The following WDR17 variants were observed in gnomAD, a reference collection of about 807,000 sequenced individuals.
WDR17 encodes the protein WD repeat domain 17.
WDR17 carries 143 observed loss-of-function variants against 161.7 expected under a neutral mutation model. The observed-to-expected ratio is 0.88, with a 90% CI of 0.77 to 1.02. WDR17 has a LOEUF of 1.02. Among genes scored for constraint, WDR17 ranks in the 50% least tolerant of loss-of-function variants. WDR17 has a pLI of 0.00. For missense variants in WDR17, 1,469 were observed against 1,520.9 expected (o/e 0.97, Z 0.57); for synonymous variants, 517 against 515.6 (o/e 1.00, Z -0.04).
intron 1 of WDR17, among the ~76,000 whole-genome samples, chr4:176,070,194 T>C (rs985672418): frequency 1.3e-5 from 2 of 152,210 alleles, no homozygotes; most frequent in African/African-American, 2.4e-5. Flanking sequence ...GAAAATATAA[T>C]AGTGGATACG....
rs528256035 is a variant in WDR17 at position 176,182,767 on chromosome 4, C to T, written c.*3188C>T. 11 of 152,112 alleles carry T rather than the reference C, an allele frequency of 7.2e-5. No homozygotes were observed. The East Asian group carries it at 7.7e-4, about 11-fold the overall frequency. 9.4% of individuals were successfully genotyped at this position (152,112 alleles called of 1,614,324 possible). Reference sequence around the variant, plus strand: ...CATTATCTAGATTTATATGTATGTACGTATTTCAGGTCCTTGAAATTTTAA... The same window carrying T: ...CATTATCTAGATTTATATGTATGTATGTATTTCAGGTCCTTGAAATTTTAA... On this transcript the variant is annotated 3_prime_UTR_variant, in exon 29 of 29. Coordinates refer to ENST00000508596, the MANE Select transcript of WDR17 (RefSeq NM_181265.4). This position sits in a 1 kb window ranked among gnomAD's most constrained non-coding sequence, Gnocchi z 4.2.
At chr4:176,129,386 T>A (rs1425329494) in intron 6 of WDR17, among the ~76,000 whole-genome samples, 1 of 152,140 alleles carries the variant, frequency 6.6e-6, no homozygotes, top group Non-Finnish European at 1.5e-5. Flanking sequence ...ATATTTTCTG[T>A]ATCATTCGTT....
intron 1 of WDR17, among the ~76,000 whole-genome samples, chr4:176,099,247 A>G (rs1737405013): frequency 6.6e-6 from 1 of 152,162 alleles, no homozygotes; most frequent in African/African-American, 2.4e-5. Context: ...ACTGCCCTCA[A>G]AATTATTGAG....
intron 2 of WDR17, among the ~76,000 whole-genome samples, chr4:176,113,505 A>G (rs1740110925): frequency 6.6e-6 from 1 of 152,070 alleles, no homozygotes; most frequent in South Asian, 2.1e-4. Flanking sequence ...AAGCTGATGC[A>G]AATAAACTTA....
rs142429080 is a variant in WDR17, at chr4:176,148,319, C to T, written c.1881C>T (p.His627=). The change falls in exon 13 of 29, where the codon CAC becomes CAT. Residue 627 remains histidine (H), a synonymous_variant. Transcript: ENST00000508596. The part of the protein sequence containing the change: ...EGTCVDTVYD[H]GADVYGLTCH... ...CTTGTGTGGATACTGTGTATGATCA[C>T]GGTGCAGATGTATATGGTAGAGTGT... 1.4e-5 allele frequency: 23 copies of T among 1,612,752 alleles called. No individual in the cohort carries two copies. In the African/African-American group the frequency reaches 1.6e-4, roughly 11 times the overall value.
intron 4 of WDR17, 80 bp from the exon 5 acceptor site, chr4:176,125,024 C>G: frequency 6.7e-7 from 1 of 1,493,432 alleles, no homozygotes; most frequent in Non-Finnish European, 9.1e-7. Context: ...AGATATTGTA[C>G]AAGGAAAAAG....
intron 24 of WDR17, 37 bp downstream of exon 24, chr4:176,172,553 T>C (rs775339465): frequency 3.1e-5 from 47 of 1,503,130 alleles, no homozygotes; most frequent in Non-Finnish European, 4.0e-5. Flanking sequence ...TTAAATATAC[T>C]CATTTATTTG....
chr4:176,151,979 T>G lies in WDR17; in HGVS notation c.2460+12T>G. 2 of 1,607,406 alleles carry G rather than the reference T, an allele frequency of 1.2e-6. No homozygotes were observed. The highest frequency in any genetic ancestry group is 1.7e-6 in the Non-Finnish European group (2 of 1,178,056). ...TTGAACTTGGAGAGGTAATGTGCTA[T>G]GAAAGTAAAACTAATGAGTTTAACA... On this transcript the variant is annotated intron_variant, in intron 17 of 28. Coordinates refer to ENST00000508596, the MANE Select transcript of WDR17 (RefSeq NM_181265.4).
At chr4:176,127,895 A>G (rs1354163956) in intron 5 of WDR17, among the ~76,000 whole-genome samples, 1 of 152,206 alleles carries the variant, frequency 6.6e-6, no homozygotes, top group Non-Finnish European at 1.5e-5. Flanking sequence ...TATAAATGGA[A>G]CCATTCAGTC....
At chr4:176,123,933 C>T (rs557906385) in intron 4 of WDR17, among the ~76,000 whole-genome samples, 1 of 152,178 alleles carries the variant, frequency 6.6e-6, no homozygotes, top group South Asian at 2.1e-4. Context: ...CCACCAGCTA[C>T]CTAGTCAACT....
intron 13 of WDR17, among the ~76,000 whole-genome samples, chr4:176,149,311 C>G (rs1746715699): frequency 6.6e-6 from 1 of 151,248 alleles, no homozygotes. Context: ...GCTCTGTTGC[C>G]CAGGATGGTG....
At chr4:176,106,652 T>C (rs973215976) in intron 1 of WDR17, among the ~76,000 whole-genome samples, 2 of 152,160 alleles carry the variant, frequency 1.3e-5, no homozygotes, top group Non-Finnish European at 2.9e-5. Flanking sequence ...AAAAATTTTG[T>C]GCATCAAAAG....
chr4:176,080,002 C>T lies in WDR17; in HGVS notation c.-7+13923C>T, dbSNP rs78344739. Among the ~76,000 whole-genome samples, 1,130 of 152,126 alleles carry T rather than the reference C, an allele frequency of 7.4e-3. 11 individuals carry two copies. Among genetic ancestry groups the T allele is most frequent in the African/African-American group, 0.025 (1,044 of 41,506 alleles). On this transcript the variant is annotated intron_variant, in intron 1 of 28. Coordinates refer to ENST00000508596, the MANE Select transcript of WDR17 (RefSeq NM_181265.4). ...AATTTGTTCACAAGGGCAGAACCCT[C>T]ATGATCTAATCAATTTTAAAGGCCC...
At chr4:176,137,397 T>C in intron 8 of WDR17, 123 bp from the exon 9 acceptor site, 1 of 674,102 alleles carries the variant, frequency 1.5e-6, no homozygotes, top group South Asian at 2.0e-5. Context: ...ATAATTTCAA[T>C]TATAAAAAAT....
intron 28 of WDR17, 95 bp from the exon 29 acceptor site, chr4:176,179,365 T>G (rs1053287174): frequency 2.0e-4 from 136 of 682,504 alleles, no homozygotes; most frequent in East Asian, 4.2e-4. Flanking sequence ...AAATATTATG[T>G]TTTTTTTTAT....
intron 1 of WDR17, among the ~76,000 whole-genome samples, chr4:176,083,692 A>G (rs1246210072): frequency 6.6e-6 from 1 of 152,080 alleles, no homozygotes; most frequent in Admixed American, 6.6e-5. Context: ...TTGGCTATAC[A>G]CTTAGGAGTG....
At chr4:176,142,388 G>A (rs1257522690) in intron 11 of WDR17, among the ~76,000 whole-genome samples, 2 of 152,130 alleles carry the variant, frequency 1.3e-5, no homozygotes, top group African/African-American at 4.8e-5. Context: ...TAGAAATGTG[G>A]CCCTTTTTTT....
intron 19 of WDR17, among the ~76,000 whole-genome samples, chr4:176,160,681 T>C (rs1748901654): frequency 6.6e-6 from 1 of 152,234 alleles, no homozygotes; most frequent in African/African-American, 2.4e-5. Context: ...TTACACATGC[T>C]GCTGAATGTT....
At chr4:176,133,509 C>T (rs146029398) in intron 7 of WDR17, among the ~76,000 whole-genome samples, 22 of 149,784 alleles carry the variant, frequency 1.5e-4, no homozygotes, top group African/African-American at 5.4e-4. Context: ...ATTTATAATT[C>T]TAATAAATGC....
Sources: allele counts gnomAD v4.1 joint callset (sites outside exome capture counted in the v4.1 genomes callset), GRCh38; gene constraint gnomAD v4.1.1; non-coding constraint Gnocchi (gnomAD v3.1); transcripts MANE v1.5; gene names NCBI Gene and HGNC (gene_info 2026-07-23, HGNC 2026-07-21).